The following FARSB variants were observed in gnomAD, a reference collection of about 807,000 sequenced individuals.
The protein encoded by FARSB is phenylalanine--tRNA ligase beta subunit.
In FARSB, 40 loss-of-function variants were observed where a neutral mutation model predicts 69.6. That is an observed-to-expected ratio of 0.57 (90% CI 0.45 to 0.75). FARSB has a LOEUF of 0.75. Among genes scored for constraint, FARSB ranks in the 30% least tolerant of loss-of-function variants. FARSB has a pLI of 0.00. For missense variants in FARSB, 632 were observed against 722.9 expected (o/e 0.87, Z 1.44); for synonymous variants, 235 against 247.2 (o/e 0.95, Z 0.46).
At chr2:222,607,755 A>C (rs1352551763) in intron 15 of FARSB, among the ~76,000 whole-genome samples, 1 of 152,118 alleles carries the variant, frequency 6.6e-6, no homozygotes, top group Middle Eastern at 3.2e-3. Flanking sequence ...TTTAAAAAGA[A>C]ATAAAGCTTA....
rs147487059 is a variant in FARSB, at chr2:222,640,924, C to A, written c.277G>T (p.Ala93Ser). ...GLQVFKERIK[A>S]PVYKRVMPDG... Reference sequence around the variant, plus strand: ...GGCATTACCCGTTTATACACTGGAGCCTTTATCCTAAAATAATATTTAAAT... The same window carrying A: ...GGCATTACCCGTTTATACACTGGAGACTTTATCCTAAAATAATATTTAAAT... The change falls in exon 4 of 17, where the codon GCT (alanine) becomes TCT (serine). Residue 93 changes from alanine (A) to serine (S), a missense_variant. Physicochemically the swap from Ala to Ser is moderately conservative, Grantham distance 99. Transcript: ENST00000281828. The A allele has an allele frequency of 1.3e-5, 19 of 1,483,938 alleles. No homozygotes were observed. The highest frequency in any genetic ancestry group is 1.4e-5 in the African/African-American group (1 of 70,864). The allele number at this position is 1,483,938 out of a possible 1,614,324, so 91.9% of individuals were successfully genotyped here.
chr2:222,593,756 G>T (rs933155019), intron 16 of FARSB, among the ~76,000 whole-genome samples: 1 of 151,366 alleles, frequency 6.6e-6, no homozygotes, highest in South Asian at 2.1e-4. Context: ...CTGTAGTCCC[G>T]GCTACACTGA....
intron 1 of FARSB, among the ~76,000 whole-genome samples, chr2:222,655,203 TA>T (rs376792764): frequency 0.01 from 1,500 of 143,656 alleles, 19 homozygotes; most frequent in African/African-American, 0.036. Context: ...AAAATAAAAA[TA>T]AAAAAAAAAA....
At chr2:222,629,083 G>A (rs139855653) in intron 9 of FARSB, among the ~76,000 whole-genome samples, 195 bp from the exon 10 acceptor site, 159 of 152,052 alleles carry the variant, frequency 1.0e-3, no homozygotes, top group African/African-American at 3.4e-3. Context: ...CTAGGGCTCC[G>A]ATGTCCTTTT....
In FARSB at chr2:222,601,160, T is replaced by C. The variant is rs751939384; in HGVS notation, c.1463-1077A>G. Among the ~76,000 whole-genome samples the C allele has an allele frequency of 2.7e-4, 41 of 152,140 alleles. 1 individual carries two copies. The highest frequency in any genetic ancestry group is 7.3e-5 in the Non-Finnish European group (5 of 68,030). On this transcript the variant is annotated intron_variant, in intron 15 of 16. Coordinates refer to ENST00000281828, the MANE Select transcript of FARSB (RefSeq NM_005687.5). ...TTGATATTGAATGAGTATAAAAGTT[T>C]AGCCATGCAAGATGAAAAGTTCTAG...
Position 222,624,340 on chromosome 2 carries a change from C to T in FARSB, c.1102G>A (p.Ala368Thr). 1 of 1,612,718 alleles carries T rather than the reference C, an allele frequency of 6.2e-7. No individual in the cohort carries two copies. Among genetic ancestry groups the T allele is most frequent in the Non-Finnish European group, 8.5e-7 (1 of 1,178,836 alleles). Residue 368 changes from alanine to threonine, a missense_variant, in exon 12 of 17, where the codon GCA becomes ACA. Physicochemically the swap from Ala to Thr is moderately conservative, Grantham distance 58. Coordinates refer to ENST00000281828, the MANE Select transcript of FARSB (RefSeq NM_005687.5). ...IIHACDIVED[A>T]AIAYGYNNIQ... ...TTGTTATATCCATAAGCAATAGCTG[C>T]ATCTTCTACAATATCACATGCATGG...
chr2:222,642,792 G>A, intron 3 of FARSB, 59 bp downstream of exon 3: 1 of 1,306,808 alleles, frequency 7.7e-7, no homozygotes, highest in Non-Finnish European at 1.1e-6. Context: ...TGCTGATAAT[G>A]ACAAGGAAAG....
intron 16 of FARSB, among the ~76,000 whole-genome samples, chr2:222,590,039 C>A (rs1340824291): frequency 6.6e-6 from 1 of 152,178 alleles, no homozygotes; most frequent in Non-Finnish European, 1.5e-5. Flanking sequence ...GATTATAAAT[C>A]ATGCTGCTAT....
At chr2:222,605,396 G>A (rs910641374) in intron 15 of FARSB, among the ~76,000 whole-genome samples, 6 of 152,262 alleles carry the variant, frequency 3.9e-5, no homozygotes, top group Admixed American at 3.3e-4. Flanking sequence ...TTTGCTGTGA[G>A]AGAAGAGCCC....
chr2:222,567,435 G>A lies in FARSB; in HGVS notation c.*4436C>T, dbSNP rs1231866433. 3 of 152,198 alleles carry A rather than the reference G, an allele frequency of 2.0e-5. No homozygotes were observed. Among genetic ancestry groups the A allele is most frequent in the African/African-American group, 2.4e-5 (1 of 41,442 alleles). The allele number at this position is 152,198 out of a possible 1,614,324, so 9.4% of individuals were successfully genotyped here. On this transcript the variant is annotated 3_prime_UTR_variant, in exon 17 of 17. Coordinates refer to ENST00000281828, the MANE Select transcript of FARSB (RefSeq NM_005687.5). ...AGTAAATACTCAAGTATTAGGGTTA[G>A]TGATGTTATATAAAACACCAAGCAC...
chr2:222,595,435 A>G (rs2106193526), intron 16 of FARSB, among the ~76,000 whole-genome samples: 1 of 152,290 alleles, frequency 6.6e-6, no homozygotes, highest in Middle Eastern at 3.4e-3. Flanking sequence ...GTCATTAGGT[A>G]TTACTGTAGC....
Position 222,571,829 on chromosome 2 carries a change from A to G in FARSB, c.*42T>C, listed in dbSNP as rs766444416. On this transcript the variant is annotated 3_prime_UTR_variant, in exon 17 of 17. Transcript: ENST00000281828. ...GACTTAAGGACACTAGGGGAGGAGAAAGGGACACCTGGGAAGAGAATCACA... is the reference window on the plus strand; with the variant it reads ...GACTTAAGGACACTAGGGGAGGAGAGAGGGACACCTGGGAAGAGAATCACA... 22 of 1,569,986 alleles carry G rather than the reference A, an allele frequency of 1.4e-5. No individual in the cohort carries two copies. The highest frequency in any genetic ancestry group is 1.9e-5 in the Non-Finnish European group (22 of 1,151,232).
At chr2:222,636,140 C>A (rs147623706) in intron 5 of FARSB, among the ~76,000 whole-genome samples, 42 of 151,578 alleles carry the variant, frequency 2.8e-4, no homozygotes, top group African/African-American at 9.7e-4. Context: ...CACGCGGTGG[C>A]TCATGCCTGT....
chr2:222,639,622 C>A lies in FARSB; in HGVS notation c.413G>T (p.Ser138Ile). The A allele has an allele frequency of 6.3e-7, 1 of 1,594,618 alleles. No homozygotes were observed. The highest frequency in any genetic ancestry group is 8.6e-7 in the Non-Finnish European group (1 of 1,168,092). ...NIKFTKDRYD[S>I]FIELQEKLHQ... ...TAATTTCTCCTGAAGTTCAATGAAG[C>A]TGTCATATCGATCTTTAGTAAACTT... is the stretch of plus-strand genomic sequence containing the variant. The change falls in exon 5 of 17, where the codon AGC becomes ATC. Residue 138 changes from serine (S) to isoleucine (I), a missense_variant. Transcript: ENST00000281828.
Position 222,610,444 on chromosome 2 carries a change from C to G in FARSB, c.1462+3367G>C, listed in dbSNP as rs939029172. ...TACTCAAAAAACAACATTCCTGTTT[C>G]CATAAATAAATTCCCACATTCGTCT... On this transcript the variant is annotated intron_variant, in intron 15 of 16. Coordinates refer to ENST00000281828, the MANE Select transcript of FARSB (RefSeq NM_005687.5). Among the ~76,000 whole-genome samples the G allele has an allele frequency of 4.6e-5, 7 of 151,888 alleles. No homozygotes were observed. The South Asian group carries it at 1.0e-3, about 23-fold the overall frequency.
At chr2:222,631,850 A>G (rs1290278067) in intron 7 of FARSB, among the ~76,000 whole-genome samples, 176 bp from the exon 8 acceptor site, 1 of 152,270 alleles carries the variant, frequency 6.6e-6, no homozygotes, top group African/African-American at 2.4e-5. Context: ...AAGTGGGCGG[A>G]TCACCTGAGG....
In FARSB at chr2:222,632,819, C is replaced by T. The variant is rs1321901455; in HGVS notation, c.715+380G>A. Among the ~76,000 whole-genome samples the T allele has an allele frequency of 2.6e-5, 3 of 116,586 alleles. No individual in the cohort carries two copies. The East Asian group carries it at 7.7e-4, about 30-fold the overall frequency. The allele number at this position is 116,586 out of a possible 152,430, so 76.5% of individuals were successfully genotyped here. On this transcript the variant is annotated intron_variant, in intron 7 of 16. Coordinates refer to ENST00000281828, the MANE Select transcript of FARSB (RefSeq NM_005687.5). ...ACAGAGCAAGAGCCTGTCTCAAAAA[C>T]AAAACAAAAAACAACAACAACAAAA...
intron 16 of FARSB, among the ~76,000 whole-genome samples, chr2:222,599,245 T>C (rs1690500582): frequency 6.6e-6 from 1 of 152,218 alleles, no homozygotes. Flanking sequence ...TCAAGTTGTT[T>C]CTGGACCTTT....
Position 222,628,875 on chromosome 2 carries a change from C to T in FARSB, c.862G>A (p.Glu288Lys), listed in dbSNP as rs777074431. 14 of 1,609,948 alleles carry T rather than the reference C, an allele frequency of 8.7e-6. No homozygotes were observed. The highest frequency in any genetic ancestry group is 1.1e-5 in the South Asian group (1 of 90,428). Residue 288 changes from glutamate (E) to lysine (K), a missense_variant, in exon 10 of 17, where the codon GAA becomes AAA. Transcript: ENST00000281828. ...GATTTTCCATTAGGAAAAACCACTTCAGCAGCTTCGACCCTGAAAACAAAA... is the reference window on the plus strand; with the variant it reads ...GATTTTCCATTAGGAAAAACCACTTTAGCAGCTTCGACCCTGAAAACAAAA... The part of the protein sequence containing the change: ...CENQFTVEAA[E>K]VVFPNGKSHT...
Sources: allele counts gnomAD v4.1 joint callset (sites outside exome capture counted in the v4.1 genomes callset), GRCh38; gene constraint gnomAD v4.1.1; transcripts MANE v1.5; gene names NCBI Gene and HGNC (gene_info 2026-07-23, HGNC 2026-07-21).